Variants in SLC7A6 observed in about 807,000 individuals in gnomAD.
The protein encoded by SLC7A6 is Y+L amino acid transporter 2.
SLC7A6 carries 29 observed loss-of-function variants against 46.6 expected under a neutral mutation model. The ratio of observed to expected loss-of-function variants is 0.62; its 90% CI spans 0.46 to 0.85. The LOEUF is 0.85. SLC7A6 is among the 40% of genes least tolerant of loss of function. SLC7A6 has a pLI of 0.00. For missense variants in SLC7A6, 527 were observed against 647.6 expected, an observed-to-expected ratio of 0.81 and a Z score of 2.02; for synonymous variants, 276 against 257.3, an observed-to-expected ratio of 1.07 and a Z score of -0.70.
chr16:68,297,175 C>T lies in SLC7A6; in HGVS notation c.1454-59C>T, dbSNP rs1341975944. ...ATAGATGTTACTAGTCAGCCTTGTT[C>T]AGGTTAGGGCTGTAGCTAGATGTTT... On this transcript the variant is annotated intron_variant, in intron 10 of 10. Transcript: ENST00000219343. The T allele has an allele frequency of 3.1e-5, 47 of 1,519,206 alleles. 1 individual carries two copies. Among genetic ancestry groups the T allele is most frequent in the Admixed American group, 5.4e-5 (3 of 55,394 alleles). The allele number at this position is 1,519,206 out of a possible 1,614,324, so 94.1% of individuals were successfully genotyped here. A position where few individuals can be genotyped will look rare whatever the true frequency, so the allele number is the denominator to read the frequency against.
chr16:68,294,924 C>T, intron 8 of SLC7A6, 123 bp downstream of exon 8: 1 of 640,994 alleles, frequency 1.6e-6, no homozygotes. Context: ...AAAAACAGTT[C>T]ATTTTTTGTT....
At chr16:68,289,095 C>G (rs929097337) in intron 4 of SLC7A6, among the ~76,000 whole-genome samples, 1 of 151,606 alleles carries the variant, frequency 6.6e-6, no homozygotes, top group Non-Finnish European at 1.5e-5. Flanking sequence ...AGTTTGAGAC[C>G]AGCCTGGCCA....
At chr16:68,295,283 C>A (rs950763881) in intron 8 of SLC7A6, among the ~76,000 whole-genome samples, 6 of 152,118 alleles carry the variant, frequency 3.9e-5, no homozygotes, top group African/African-American at 1.2e-4. Flanking sequence ...CTTCTTTAGT[C>A]CCCCCGCCCT....
intron 2 of SLC7A6, among the ~76,000 whole-genome samples, chr16:68,268,151 G>T (rs1490006218): frequency 6.6e-6 from 1 of 152,220 alleles, no homozygotes; most frequent in East Asian, 1.9e-4. Flanking sequence ...ACTGAAAGAG[G>T]AGTCTTGGGA....
Position 68,291,666 on chromosome 16 carries a change from T to C in SLC7A6, c.1022+5T>C, listed in dbSNP as rs1157318701. On this transcript the variant is annotated splice_donor_5th_base_variant and intron_variant, in intron 7 of 10. Transcript: ENST00000219343. ...ATCCATCTTTGCTTCATCAAGGTACTGTGTCTCTGTGTCACTGATAATAGA... is the reference window on the plus strand; with the variant it reads ...ATCCATCTTTGCTTCATCAAGGTACCGTGTCTCTGTGTCACTGATAATAGA... 1.2e-6 allele frequency: 2 copies of C among 1,611,352 alleles called. No homozygotes were observed. The highest frequency in any genetic ancestry group is 4.5e-5 in the East Asian group (2 of 44,866).
At chr16:68,296,957 A>T in intron 10 of SLC7A6, 147 bp downstream of exon 10, 1 of 864,508 alleles carries the variant, frequency 1.2e-6, no homozygotes, top group Non-Finnish European at 1.8e-6. Flanking sequence ...TGATTTTGAC[A>T]TGATCACTTT....
At chr16:68,293,247 C>T (rs1417164942) in intron 7 of SLC7A6, among the ~76,000 whole-genome samples, 2 of 152,100 alleles carry the variant, frequency 1.3e-5, no homozygotes, top group Non-Finnish European at 2.9e-5. Flanking sequence ...GAAACCCTGT[C>T]TCTACTAAAA....
At chr16:68,278,519 C>T (rs922101822) in intron 3 of SLC7A6, among the ~76,000 whole-genome samples, 1 of 148,960 alleles carries the variant, frequency 6.7e-6, no homozygotes, top group Non-Finnish European at 1.5e-5. Context: ...TGACTCTTAA[C>T]GAGCATGCTG....
chr16:68,294,535 G>A (rs750428902), intron 7 of SLC7A6, 170 bp from the exon 8 acceptor site: 3 of 595,750 alleles, frequency 5.0e-6, no homozygotes, highest in Non-Finnish European at 9.0e-6. Context: ...CTGTAGGGAA[G>A]GGGGGAGCAG....
intron 5 of SLC7A6, chr16:68,290,887 C>T: frequency 2.1e-6 from 1 of 473,978 alleles, no homozygotes; most frequent in Non-Finnish European, 3.8e-6. Flanking sequence ...CAGCTGGGTC[C>T]CCAGCCTGGC....
At chr16:68,286,697 G>C (rs1015446769) in intron 3 of SLC7A6, among the ~76,000 whole-genome samples, 5 of 152,224 alleles carry the variant, frequency 3.3e-5, no homozygotes, top group African/African-American at 1.2e-4. Context: ...ACAGGGCCCA[G>C]ATGTCACTGA....
chr16:68,296,232 G>A (rs1300397103), intron 8 of SLC7A6, 132 bp from the exon 9 acceptor site: 3 of 932,654 alleles, frequency 3.2e-6, no homozygotes, highest in Admixed American at 2.1e-5. Context: ...CTGATGCCAA[G>A]GGGTCAATGA....
chr16:68,296,917 A>G, intron 10 of SLC7A6, 107 bp downstream of exon 10: 2 of 1,196,104 alleles, frequency 1.7e-6, no homozygotes, highest in Non-Finnish European at 1.2e-6. Context: ...GCTGGAGGCC[A>G]TGTGACCCAG....
chr16:68,280,554 A>C (rs2042811018), intron 3 of SLC7A6, among the ~76,000 whole-genome samples: 1 of 152,148 alleles, frequency 6.6e-6, no homozygotes, highest in African/African-American at 2.4e-5. Context: ...TGCCCGATAA[A>C]ATAAGCTGGA....
chr16:68,287,468 G>A (rs1218976928), intron 3 of SLC7A6: 6 of 1,350,752 alleles, frequency 4.4e-6, no homozygotes, highest in Non-Finnish European at 5.8e-6. Flanking sequence ...GGGCCTGGGG[G>A]GAATTCCCAG....
intron 7 of SLC7A6, among the ~76,000 whole-genome samples, chr16:68,293,340 C>T (rs1190001383): frequency 1.3e-5 from 2 of 152,194 alleles, no homozygotes; most frequent in African/African-American, 4.8e-5. Flanking sequence ...AGGAGAATTG[C>T]CTGAACCCAG....
At chr16:68,277,968 C>T (rs946244966) in intron 3 of SLC7A6, among the ~76,000 whole-genome samples, 1 of 150,318 alleles carries the variant, frequency 6.7e-6, no homozygotes, top group Non-Finnish European at 1.5e-5. Context: ...GAGACCGAGT[C>T]TTGCTCTGTC....
At position 68,296,490 on chromosome 16, in the gene SLC7A6, C is replaced by A. The variant is rs1182643881; in HGVS notation, c.1246C>A (p.Pro416Thr). 6.2e-7 allele frequency: 1 copy of A among 1,614,140 alleles called. No homozygotes were observed. Among genetic ancestry groups the A allele is most frequent in the Admixed American group, 1.7e-5 (1 of 60,026 alleles). Residue 416 changes from proline to threonine, a missense_variant, in exon 9 of 11, where the codon CCC becomes ACC. By Grantham distance (38) the Pro-to-Thr change is conservative (BLOSUM62 -1). Transcript: ENST00000219343. ...VGQLYLRWKE[P>T]KRPRPLKLSV... ...ACAGCTCTACCTCCGCTGGAAGGAG[C>A]CCAAGCGGCCCCGGCCTCTCAAGGT... is the stretch of plus-strand genomic sequence containing the variant.
chr16:68,270,820 G>A (rs2042611783), intron 2 of SLC7A6, among the ~76,000 whole-genome samples: 1 of 151,602 alleles, frequency 6.6e-6, no homozygotes, highest in Non-Finnish European at 1.5e-5. Context: ...TATCCATCCT[G>A]AGTGGAAGCT....
Sources: allele counts gnomAD v4.1 joint callset (sites outside exome capture counted in the v4.1 genomes callset), GRCh38; gene constraint gnomAD v4.1.1; transcripts MANE v1.5; gene names NCBI Gene and HGNC (gene_info 2026-07-23, HGNC 2026-07-21).